VSTM2A: variants seen among roughly 807,000 people sequenced by gnomAD.
VSTM2A encodes the protein V-set and transmembrane domain containing 2A.
A neutral mutation model predicts 27.3 loss-of-function variants in VSTM2A; 13 were observed. The observed-to-expected ratio is 0.48, with a 90% CI of 0.31 to 0.76. VSTM2A has a LOEUF of 0.76. Ranked by LOEUF, VSTM2A falls within the 30% of genes least tolerant of loss-of-function variation. The probability of loss-of-function intolerance (pLI) is 0.05; values close to 1 mark genes in which losing one functional copy is unlikely to be tolerated. For synonymous variants in VSTM2A, 142 were observed against 125.7 expected, an observed-to-expected ratio of 1.13 and a Z score of -0.87; for missense variants, 280 against 310.0, an observed-to-expected ratio of 0.90 and a Z score of 0.73.
intron 4 of VSTM2A, among the ~76,000 whole-genome samples, chr7:54,564,805 A>G (rs1788670123): frequency 6.6e-6 from 1 of 152,244 alleles, no homozygotes. Context: ...ATGAATATTT[A>G]AAAGAATTCA....
rs1483792629 is a variant in VSTM2A, at chr7:54,569,262, G to A, written c.*43G>A. 3 of 1,551,060 alleles carry A rather than the reference G, an allele frequency of 1.9e-6. No homozygotes were observed. Among genetic ancestry groups the A allele is most frequent in the East Asian group, 2.4e-5 (1 of 40,914 alleles). ...GCCTGCTTCCGGAAGCATAAATGAA[G>A]AGGCTATCACATGCTTTGTTGATCA... On this transcript the variant is annotated 3_prime_UTR_variant, in exon 5 of 5. Coordinates refer to ENST00000402613, the MANE Select transcript of VSTM2A (RefSeq NM_001301009.2).
At chr7:54,563,651 A>G (rs1434323650) in intron 4 of VSTM2A, among the ~76,000 whole-genome samples, 1 of 152,130 alleles carries the variant, frequency 6.6e-6, no homozygotes, top group Non-Finnish European at 1.5e-5. Flanking sequence ...AGTGGCACCC[A>G]TGCACCCTGT....
At chr7:54,558,054 G>T (rs1374807856) in intron 4 of VSTM2A, 2 of 152,098 alleles carry the variant, frequency 1.3e-5, no homozygotes, top group African/African-American at 4.8e-5. Context: ...GTTGTAACTA[G>T]ATCTGTATTA....
chr7:54,542,609 G>A lies in VSTM2A; in HGVS notation c.-122G>A. The A allele has an allele frequency of 3.7e-6, 3 of 808,462 alleles. No individual in the cohort carries two copies. Among genetic ancestry groups the A allele is most frequent in the Non-Finnish European group, 6.2e-6 (3 of 485,344 alleles). The allele number at this position is 808,462 out of a possible 1,614,324, so 50.1% of individuals were successfully genotyped here. A position where few individuals can be genotyped will look rare whatever the true frequency, so the allele number is the denominator to read the frequency against. On this transcript the variant is annotated 5_prime_UTR_variant, in exon 1 of 5. Coordinates refer to ENST00000402613, the MANE Select transcript of VSTM2A (RefSeq NM_001301009.2). ...ACAGCCAGCCCTCGCCAAGCAAGCA[G>A]CAGGATGTTTGCAGTGTCGCGCCCA...
rs968741249 is a variant in VSTM2A, at chr7:54,569,342, A to G, written c.*123A>G. 6.8e-7 allele frequency: 1 copy of G among 1,463,036 alleles called. No individual in the cohort carries two copies. Among genetic ancestry groups the G allele is most frequent in the Non-Finnish European group, 9.1e-7 (1 of 1,098,980 alleles). 90.6% of individuals were successfully genotyped at this position (1,463,036 alleles called of 1,614,324 possible). Reference sequence around the variant, plus strand: ...ATTTTAAGAGAATTAACGTGAAGTGATAGAACGTTTTCTAATAGCAAGATC... The same window carrying G: ...ATTTTAAGAGAATTAACGTGAAGTGGTAGAACGTTTTCTAATAGCAAGATC... On this transcript the variant is annotated 3_prime_UTR_variant, in exon 5 of 5. Coordinates refer to ENST00000402613, the MANE Select transcript of VSTM2A (RefSeq NM_001301009.2).
intron 4 of VSTM2A, among the ~76,000 whole-genome samples, chr7:54,561,379 C>T (rs116655829): frequency 0.069 from 10,512 of 152,132 alleles, 431 homozygotes; most frequent in African/African-American, 0.12. Flanking sequence ...ATTTGGTGAA[C>T]GTTTAAGAAA....
chr7:54,543,493 C>T (rs998994710), intron 1 of VSTM2A, among the ~76,000 whole-genome samples: 7 of 151,966 alleles, frequency 4.6e-5, no homozygotes, highest in African/African-American at 1.4e-4. Flanking sequence ...AGAATGTCTC[C>T]TTAATAGCTT....
At chr7:54,545,406 A>G (rs948867847) in intron 2 of VSTM2A, among the ~76,000 whole-genome samples, 4 of 145,016 alleles carry the variant, frequency 2.8e-5, no homozygotes, top group African/African-American at 1.0e-4. Context: ...GGGAAGGGGG[A>G]AAAAGGGGAG....
In VSTM2A at chr7:54,544,798, C is replaced by A; in HGVS notation, c.246+10C>A. 1.3e-6 allele frequency: 2 copies of A among 1,585,790 alleles called. No homozygotes were observed. Among genetic ancestry groups the A allele is most frequent in the East Asian group, 2.3e-5 (1 of 43,424 alleles). Reference sequence around the variant, plus strand: ...GGGGGCCGGCGCGCAGGTAGCGGAGCCCGCCGACCCCGCGTCTCCCCTTCG... The same window carrying A: ...GGGGGCCGGCGCGCAGGTAGCGGAGACCGCCGACCCCGCGTCTCCCCTTCG... On this transcript the variant is annotated intron_variant, in intron 2 of 4. Transcript: ENST00000402613.
intron 4 of VSTM2A, among the ~76,000 whole-genome samples, chr7:54,560,706 G>A (rs1374376111): frequency 2.0e-5 from 3 of 152,140 alleles, no homozygotes; most frequent in African/African-American, 7.2e-5. Context: ...AAAGCAAATA[G>A]TAAAATCCAG....
intron 3 of VSTM2A, 45 bp downstream of exon 3, chr7:54,547,042 G>A (rs771012760): frequency 7.8e-6 from 12 of 1,546,814 alleles, no homozygotes; most frequent in African/African-American, 5.7e-5. Context: ...GGCTCGGGAC[G>A]CACAGCCCTT....
chr7:54,554,261 C>T (rs1343232417), intron 4 of VSTM2A, among the ~76,000 whole-genome samples: 1 of 152,112 alleles, frequency 6.6e-6, no homozygotes, highest in African/African-American at 2.4e-5. Flanking sequence ...TTACTGGCTC[C>T]TAGCATTCTC....
At chr7:54,556,148 A>C (rs1314736272) in intron 4 of VSTM2A, among the ~76,000 whole-genome samples, 1 of 151,946 alleles carries the variant, frequency 6.6e-6, no homozygotes, top group Non-Finnish European at 1.5e-5. Flanking sequence ...TATTGTTTCC[A>C]ATGTTGGGAT....
Position 54,570,510 on chromosome 7 carries a change from G to A in VSTM2A, c.*1291G>A, listed in dbSNP as rs1398609964. ...TCTCCTAATTAAAAATTAAAATTTG[G>A]TTGTTGGCTAAATACAATATGCAAA... On this transcript the variant is annotated 3_prime_UTR_variant, in exon 5 of 5. Transcript: ENST00000402613. The A allele has an allele frequency of 6.6e-6, 1 of 152,050 alleles. No homozygotes were observed. The highest frequency in any genetic ancestry group is 1.5e-5 in the Non-Finnish European group (1 of 68,000). The allele number at this position is 152,050 out of a possible 1,614,324, so 9.4% of individuals were successfully genotyped here.
In VSTM2A at chr7:54,563,885, G is replaced by A. The variant is rs570630406; in HGVS notation, c.635-5246G>A. On this transcript the variant is annotated intron_variant, in intron 4 of 4. Coordinates refer to ENST00000402613, the MANE Select transcript of VSTM2A (RefSeq NM_001301009.2). The stretch of plus-strand genomic sequence containing the variant: ...CAGATTTCTAGAAGAAATTGGCACC[G>A]GACATGTAAGCATTCTAATAAAAAG... Among the ~76,000 whole-genome samples the A allele has an allele frequency of 8.1e-4, 124 of 152,196 alleles. 4 individuals carry two copies. The South Asian group carries it at 0.024, about 30-fold the overall frequency.
At chr7:54,545,782 G>A (rs1387290648) in intron 2 of VSTM2A, among the ~76,000 whole-genome samples, 7 of 112,044 alleles carry the variant, frequency 6.2e-5, no homozygotes, top group Non-Finnish European at 1.1e-4. Flanking sequence ...GAGAAGAGAA[G>A]GAGAGAGGGT....
chr7:54,560,788 G>A (rs963857686), intron 4 of VSTM2A, among the ~76,000 whole-genome samples: 1 of 152,102 alleles, frequency 6.6e-6, no homozygotes. Context: ...ATGAAATTAA[G>A]TTAAGCAATT....
At chr7:54,557,990 T>C (rs1477057729) in intron 4 of VSTM2A, 1 of 152,172 alleles carries the variant, frequency 6.6e-6, no homozygotes, top group Non-Finnish European at 1.5e-5. Context: ...TAATTGATGA[T>C]AAATTTTCCT....
In VSTM2A at chr7:54,569,459, T is replaced by C; in HGVS notation, c.*240T>C. On this transcript the variant is annotated 3_prime_UTR_variant, in exon 5 of 5. Coordinates refer to ENST00000402613, the MANE Select transcript of VSTM2A (RefSeq NM_001301009.2). ...TCATCAGGATAGGGAATATTTACTATGGATACCACTAATTTCCTACTAAAG... is the reference window on the plus strand; with the variant it reads ...TCATCAGGATAGGGAATATTTACTACGGATACCACTAATTTCCTACTAAAG... 9 of 580,128 alleles carry C rather than the reference T, an allele frequency of 1.6e-5. No individual in the cohort carries two copies. Among genetic ancestry groups the C allele is most frequent in the Middle Eastern group, 4.9e-4 (1 of 2,044 alleles). 35.9% of individuals were successfully genotyped at this position (580,128 alleles called of 1,614,324 possible). A position where few individuals can be genotyped will look rare whatever the true frequency, so the allele number is the denominator to read the frequency against.
Sources: allele counts gnomAD v4.1 joint callset (sites outside exome capture counted in the v4.1 genomes callset), GRCh38; gene constraint gnomAD v4.1.1; transcripts MANE v1.5; gene names NCBI Gene and HGNC (gene_info 2026-07-23, HGNC 2026-07-21).